AGBL1: variants seen among roughly 807,000 people sequenced by gnomAD.
AGBL1 encodes the protein cytosolic carboxypeptidase 4.
In AGBL1, 130 loss-of-function variants were observed where a neutral mutation model predicts 118.9. That is an observed-to-expected ratio of 1.09 (90% CI 0.95 to 1.26). The LOEUF is 1.26. Ranked by LOEUF, AGBL1 falls within the 50% of genes most tolerant of loss-of-function variation. AGBL1 has a pLI of 0.00. For synonymous variants in AGBL1, 555 were observed against 478.9 expected, an observed-to-expected ratio of 1.16 and a Z score of -2.08; for missense variants, 1,584 against 1,298.1, an observed-to-expected ratio of 1.22 and a Z score of -3.38.
chr15:86,809,995 A>G (rs2078766834), intron 22 of AGBL1, among the ~76,000 whole-genome samples: 1 of 152,164 alleles, frequency 6.6e-6, no homozygotes, highest in Non-Finnish European at 1.5e-5. Context: ...TTGGTTCCAG[A>G]TTTTTAAAAA....
At chr15:86,782,419 G>C (rs1043569596) in intron 22 of AGBL1, among the ~76,000 whole-genome samples, 1 of 152,190 alleles carries the variant, frequency 6.6e-6, no homozygotes, top group African/African-American at 2.4e-5. Flanking sequence ...CTACAGGAGA[G>C]ACAGTAGGAT....
chr15:86,122,477 A>G (rs1898147395), intron 1 of AGBL1, among the ~76,000 whole-genome samples: 1 of 152,240 alleles, frequency 6.6e-6, no homozygotes, highest in Admixed American at 6.5e-5. Flanking sequence ...ATAATGTCAC[A>G]GTGCAGAAAC....
chr15:86,456,376 T>C (rs1267580335), intron 18 of AGBL1, among the ~76,000 whole-genome samples: 1 of 152,214 alleles, frequency 6.6e-6, no homozygotes. Flanking sequence ...AAATCTAGCA[T>C]GGGATTTCCA....
intron 23 of AGBL1, among the ~76,000 whole-genome samples, chr15:86,930,711 A>T (rs1280989247): frequency 6.6e-6 from 1 of 152,170 alleles, no homozygotes; most frequent in African/African-American, 2.4e-5. Flanking sequence ...ATAATTCAAC[A>T]ATTATTTTCA....
At chr15:86,435,205 A>T (rs1403089434) in intron 18 of AGBL1, among the ~76,000 whole-genome samples, 2 of 152,216 alleles carry the variant, frequency 1.3e-5, no homozygotes, top group Non-Finnish European at 2.9e-5. Context: ...CCCACATTAA[A>T]ATATGTGCAT....
At chr15:86,774,072 G>A (rs752596375) in intron 22 of AGBL1, among the ~76,000 whole-genome samples, 16 of 152,176 alleles carry the variant, frequency 1.1e-4, no homozygotes, top group African/African-American at 3.6e-4. Context: ...GCTTTGCCTA[G>A]CAACAGTAAC....
chr15:86,227,871 A>C (rs2078392034), intron 6 of AGBL1, among the ~76,000 whole-genome samples: 1 of 152,210 alleles, frequency 6.6e-6, no homozygotes, highest in African/African-American at 2.4e-5. Context: ...TCTGAGAATG[A>C]GGAGGGCAAA....
intron 1 of AGBL1, chr15:86,086,468 G>T (rs1895661068): frequency 6.6e-6 from 1 of 152,136 alleles, no homozygotes; most frequent in African/African-American, 2.4e-5. Flanking sequence ...TGCAAATCAG[G>T]TTCTTGTTAG....
chr15:86,180,443 T>C (rs2077536782), intron 5 of AGBL1, among the ~76,000 whole-genome samples: 1 of 152,128 alleles, frequency 6.6e-6, no homozygotes, highest in East Asian at 1.9e-4. Context: ...GTATGTTCAA[T>C]AAATGGTGCT....
intron 21 of AGBL1, among the ~76,000 whole-genome samples, chr15:86,571,746 A>G (rs893389669): frequency 6.6e-6 from 1 of 152,240 alleles, no homozygotes; most frequent in Admixed American, 6.5e-5. Context: ...TTGATCCATG[A>G]GCAGCCATGG....
intron 23 of AGBL1, among the ~76,000 whole-genome samples, chr15:86,956,816 A>G (rs1366979521): frequency 2.0e-5 from 3 of 152,196 alleles, no homozygotes; most frequent in African/African-American, 4.8e-5. Context: ...TCATAGAGCA[A>G]TGTAGCAGCA....
At chr15:87,014,451 G>T (rs76727948) in intron 24 of AGBL1, among the ~76,000 whole-genome samples, 4,371 of 152,254 alleles carry the variant, frequency 0.029, 88 homozygotes, top group Middle Eastern at 0.058. Flanking sequence ...CTGCAATATT[G>T]TCCCTCAAGT....
intron 22 of AGBL1, among the ~76,000 whole-genome samples, chr15:86,713,144 T>C (rs1013226956): frequency 2.6e-4 from 40 of 152,142 alleles, no homozygotes; most frequent in African/African-American, 9.4e-4. Context: ...ATTTTTGCCC[T>C]TTCCCTTTCT....
chr15:86,314,342 T>C lies in AGBL1; in HGVS notation c.2374+18934T>C, dbSNP rs1420297548. ...GTTATTTTTTCTGGCTAGTAAGATC[T>C]TCCTTTAGAGTGCCAGCCTGGTCTA... On this transcript the variant is annotated intron_variant, in intron 17 of 22. Coordinates refer to ENST00000614907, the MANE Select transcript of AGBL1 (RefSeq NM_001386094.1). Among the ~76,000 whole-genome samples, 3 of 152,308 alleles carry C rather than the reference T, an allele frequency of 2.0e-5. No homozygotes were observed. The East Asian group carries it at 5.8e-4, about 29-fold the overall frequency.
intron 18 of AGBL1, among the ~76,000 whole-genome samples, chr15:86,473,285 C>T (rs2082505479): frequency 6.6e-6 from 1 of 152,126 alleles, no homozygotes. Flanking sequence ...AAGAGTGAGG[C>T]CCCCTCCCAG....
intron 19 of AGBL1, among the ~76,000 whole-genome samples, chr15:86,528,541 G>A (rs1451836811): frequency 4.1e-5 from 6 of 146,338 alleles, no homozygotes; most frequent in South Asian, 4.6e-4. Context: ...AGGGGCGCCG[G>A]CCATTGCCCA....
intron 21 of AGBL1, among the ~76,000 whole-genome samples, chr15:86,643,797 C>A (rs552038894): frequency 6.6e-6 from 1 of 152,136 alleles, no homozygotes; most frequent in South Asian, 2.1e-4. Context: ...TTTATTTATG[C>A]AGGTTTACAT....
At chr15:86,440,891 CATCAGA>C (rs1402304613) in intron 18 of AGBL1, among the ~76,000 whole-genome samples, 2 of 152,138 alleles carry the variant, frequency 1.3e-5, no homozygotes, top group African/African-American at 2.4e-5. Context: ...GTAGCACAAG[CATCAGA>C]ATCAGAATCA....
At chr15:86,307,802 T>G (rs1473857029) in intron 17 of AGBL1, among the ~76,000 whole-genome samples, 1 of 152,140 alleles carries the variant, frequency 6.6e-6, no homozygotes, top group East Asian at 1.9e-4. Flanking sequence ...TAAAATAATT[T>G]ATATAACATA....
Sources: gnomAD v4.1 joint callset for allele counts (sites outside exome capture counted in the v4.1 genomes callset) on GRCh38, gnomAD v4.1.1 for gene constraint, MANE v1.5 for transcripts, NCBI Gene and HGNC (gene_info 2026-07-23, HGNC 2026-07-21) for gene names.